The following MAP3K20 variants were observed in gnomAD, a reference collection of about 807,000 sequenced individuals.
The protein encoded by MAP3K20 is mitogen-activated protein kinase kinase kinase 20, also known as HCCS-4.
In MAP3K20, 40 loss-of-function variants were observed where a neutral mutation model predicts 85.7. That is an observed-to-expected ratio of 0.47 (90% confidence interval 0.36 to 0.61). The LOEUF is 0.61. Ranked by LOEUF, MAP3K20 falls within the 20% of genes least tolerant of loss-of-function variation. MAP3K20 has a pLI of 0.00. For missense variants in MAP3K20, 817 were observed against 961.7 expected, an observed-to-expected ratio of 0.85 and a Z score of 1.99; for synonymous variants, 325 against 327.7, an observed-to-expected ratio of 0.99 and a Z score of 0.09.
chr2:173,238,787 C>T (rs1221418688), intron 15 of MAP3K20, among the ~76,000 whole-genome samples: 3 of 152,262 alleles, frequency 2.0e-5, no homozygotes, highest in East Asian at 3.9e-4. Flanking sequence ...AGCGCTCGAT[C>T]GTCAACTTTC....
intron 1 of MAP3K20, among the ~76,000 whole-genome samples, chr2:173,076,996 C>CAT (rs1410274238): frequency 6.6e-6 from 1 of 152,200 alleles, no homozygotes; most frequent in Non-Finnish European, 1.5e-5. Flanking sequence ...TGAGATCGCG[C>CAT]ATAAGTACTG....
intron 8 of MAP3K20, among the ~76,000 whole-genome samples, chr2:173,200,562 TAG>T (rs1379731824): frequency 6.6e-6 from 1 of 152,210 alleles, no homozygotes; most frequent in East Asian, 1.9e-4. Flanking sequence ...ATCCAAGTAT[TAG>T]AGTTGTCTTT....
intron 2 of MAP3K20, among the ~76,000 whole-genome samples, chr2:173,167,308 C>T (rs1167882298): frequency 1.3e-5 from 2 of 152,006 alleles, no homozygotes; most frequent in African/African-American, 4.8e-5. Flanking sequence ...GTGATTGCAA[C>T]AACACAGGTT....
At position 173,262,746 on chromosome 2, in the gene MAP3K20, A is replaced by G. The variant is rs16861463; in HGVS notation, c.1552-999A>G. ...TCAGGGATGAGGCATCTGAGAAGTTATATTACTTGTCAAAGCATTGCTTGC... is the reference window on the plus strand; with the variant it reads ...TCAGGGATGAGGCATCTGAGAAGTTGTATTACTTGTCAAAGCATTGCTTGC... On this transcript the variant is annotated intron_variant, in intron 18 of 19. Transcript: ENST00000375213. 9.6e-3 allele frequency among the ~76,000 whole-genome samples: 1,455 copies of G among 152,300 alleles called. 31 individuals are homozygous for G. The highest frequency in any genetic ancestry group is 0.033 in the African/African-American group (1,364 of 41,556).
intron 2 of MAP3K20, among the ~76,000 whole-genome samples, chr2:173,141,262 T>C (rs924602201): frequency 2.6e-5 from 4 of 152,178 alleles, no homozygotes; most frequent in Non-Finnish European, 5.9e-5. Context: ...GTAAAACATA[T>C]TAGACATGTG....
chr2:173,111,384 T>C (rs577880111), intron 2 of MAP3K20, among the ~76,000 whole-genome samples: 1 of 152,338 alleles, frequency 6.6e-6, no homozygotes, highest in South Asian at 2.1e-4. Context: ...GTCTGTTTAC[T>C]CTGCTGACTG....
At position 173,265,936 on chromosome 2, in the gene MAP3K20, A is replaced by G. The variant is rs1232859015; in HGVS notation, c.1703-114A>G. ...TATACATAGCCTAGAATTTCTATGA[A>G]TGGTAAAGCTTAGAGCATCCCAAAC... On this transcript the variant is annotated intron_variant, in intron 19 of 19. Coordinates refer to ENST00000375213, the MANE Select transcript of MAP3K20 (RefSeq NM_016653.3). 3.8e-6 allele frequency: 4 copies of G among 1,049,436 alleles called. 1 individual carries two copies. The highest frequency in any genetic ancestry group is 3.4e-5 in the South Asian group (2 of 58,742). The allele number at this position is 1,049,436 out of a possible 1,614,324, so 65.0% of individuals were successfully genotyped here.
chr2:173,134,411 TATATATATA>T (rs1559246001), intron 2 of MAP3K20, among the ~76,000 whole-genome samples: 7 of 10,174 alleles, frequency 6.9e-4, no homozygotes, highest in South Asian at 1.8e-3. Flanking sequence ...TATATATATA[TATATATATA>T]TATATATATT....
chr2:173,129,147 T>C (rs1018026987), intron 2 of MAP3K20, among the ~76,000 whole-genome samples: 1 of 152,078 alleles, frequency 6.6e-6, no homozygotes, highest in Non-Finnish European at 1.5e-5. Context: ...CAGGATGGTC[T>C]CAATCTCGTG....
At chr2:173,123,944 T>C (rs1324905520) in intron 2 of MAP3K20, among the ~76,000 whole-genome samples, 1 of 152,230 alleles carries the variant, frequency 6.6e-6, no homozygotes, top group Non-Finnish European at 1.5e-5. Context: ...AAAGAATTCA[T>C]TGTACCCTAC....
intron 2 of MAP3K20, among the ~76,000 whole-genome samples, chr2:173,141,898 A>C (rs998368862): frequency 1.3e-5 from 2 of 152,242 alleles, no homozygotes; most frequent in Non-Finnish European, 2.9e-5. Flanking sequence ...AATGGAGGCC[A>C]AATGACAGTG....
intron 16 of MAP3K20, among the ~76,000 whole-genome samples, chr2:173,242,249 CA>C (rs1684804997): frequency 6.6e-6 from 1 of 151,056 alleles, no homozygotes; most frequent in Admixed American, 6.6e-5. Flanking sequence ...GATCTCGGCT[CA>C]CTGCAACCTC....
At chr2:173,120,925 T>G (rs1688268307) in intron 2 of MAP3K20, among the ~76,000 whole-genome samples, 1 of 151,882 alleles carries the variant, frequency 6.6e-6, no homozygotes, top group African/African-American at 2.4e-5. Flanking sequence ...GCCAGGATGG[T>G]CTCGATCTCC....
At chr2:173,232,112 G>C in intron 12 of MAP3K20, 80 bp from the exon 13 acceptor site, 1 of 1,544,970 alleles carries the variant, frequency 6.5e-7, no homozygotes. Context: ...TTGATCTATT[G>C]AAAACTCTAT....
intron 2 of MAP3K20, among the ~76,000 whole-genome samples, chr2:173,138,004 C>T (rs1688844258): frequency 1.3e-5 from 2 of 152,066 alleles, no homozygotes; most frequent in East Asian, 3.9e-4. Flanking sequence ...CTTGCTGTGT[C>T]GCCTAGACTG....
At chr2:173,191,262 TTTA>T in intron 7 of MAP3K20, 85 bp downstream of exon 7, 7 of 1,544,314 alleles carry the variant, frequency 4.5e-6, no homozygotes, top group Non-Finnish European at 5.2e-6. Flanking sequence ...TTAACATGGT[TTTA>T]TTTTTATTTG....
At chr2:173,102,832 TATACTC>T (rs1220370261) in intron 2 of MAP3K20, among the ~76,000 whole-genome samples, 1 of 152,064 alleles carries the variant, frequency 6.6e-6, no homozygotes, top group African/African-American at 2.4e-5. Flanking sequence ...TTAAGAAACA[TATACTC>T]ATAGGTGGGC....
intron 2 of MAP3K20, chr2:173,166,444 G>A (rs1689824193): frequency 6.6e-6 from 1 of 152,128 alleles, no homozygotes; most frequent in South Asian, 2.1e-4. Context: ...TGCACACTGA[G>A]AAATGTGTAG....
chr2:173,143,904 A>G (rs1162712260), intron 2 of MAP3K20, among the ~76,000 whole-genome samples: 1 of 152,212 alleles, frequency 6.6e-6, no homozygotes, highest in Non-Finnish European at 1.5e-5. Flanking sequence ...AATTATTTAC[A>G]TTAGCATTAA....
Sources: gnomAD v4.1 joint callset for allele counts (sites outside exome capture counted in the v4.1 genomes callset) on GRCh38, gnomAD v4.1.1 for gene constraint, MANE v1.5 for transcripts, NCBI Gene and HGNC (gene_info 2026-07-23, HGNC 2026-07-21) for gene names.